SHISA9: variants seen among roughly 807,000 people sequenced by gnomAD.
SHISA9 encodes protein shisa-9.
SHISA9 carries 13 observed loss-of-function variants against 38.0 expected under a neutral mutation model. The observed-to-expected ratio is 0.34, with a 90% CI of 0.22 to 0.54. The LOEUF (loss-of-function observed/expected upper bound fraction) is 0.54. Among genes scored for constraint, SHISA9 ranks in the 20% least tolerant of loss-of-function variants. The pLI is 0.91. For synonymous variants in SHISA9, 275 were observed against 242.0 expected, an observed-to-expected ratio of 1.14 and a Z score of -1.27; for missense variants, 538 against 575.8, an observed-to-expected ratio of 0.93 and a Z score of 0.67.
At chr16:13,546,901 G>A in the SHISA9 span, among the ~76,000 whole-genome samples, 1 of 152,144 alleles carries the variant, frequency 6.6e-6, no homozygotes, top group African/African-American at 2.4e-5. Context: ...TATATCATCT[G>A]GCTCCTGTGT....
At chr16:13,004,962 A>AAAAGAAAGAAAAGAAAAG (rs1555453910) in intron 2 of SHISA9, among the ~76,000 whole-genome samples, 1 of 127,636 alleles carries the variant, frequency 7.8e-6, no homozygotes, top group Non-Finnish European at 1.6e-5. Context: ...AAAAAAAGAA[A>AAAAGAAAGAAAAGAAAAG]AAAAGAAAGA....
the SHISA9 span, among the ~76,000 whole-genome samples, chr16:13,339,551 T>C: frequency 6.6e-6 from 1 of 152,188 alleles, no homozygotes; most frequent in Non-Finnish European, 1.5e-5. Context: ...CTCGTGCTTC[T>C]TTTAATAAAA....
intron 2 of SHISA9, among the ~76,000 whole-genome samples, chr16:13,192,846 G>T (rs986602099): frequency 6.6e-6 from 1 of 151,820 alleles, no homozygotes. Context: ...TTGCACTTCA[G>T]TCTGGGCTAC....
chr16:13,485,108 G>A, the SHISA9 span, among the ~76,000 whole-genome samples: 2 of 151,892 alleles, frequency 1.3e-5, no homozygotes, highest in African/African-American at 4.8e-5. Flanking sequence ...ATGTGCCATG[G>A]TGGTTTGCTG....
chr16:13,120,771 C>T (rs879843777), intron 2 of SHISA9, among the ~76,000 whole-genome samples: 12 of 152,060 alleles, frequency 7.9e-5, no homozygotes, highest in Admixed American at 3.3e-4. Context: ...ATACTGTTAG[C>T]GAGGGAAGAG....
At chr16:13,039,696 A>C (rs1248621574) in intron 2 of SHISA9, among the ~76,000 whole-genome samples, 1 of 152,120 alleles carries the variant, frequency 6.6e-6, no homozygotes, top group Non-Finnish European at 1.5e-5. Context: ...CCAAATGAGG[A>C]GTAGTTGGTG....
At chr16:13,056,864 T>C (rs1307792984) in intron 2 of SHISA9, among the ~76,000 whole-genome samples, 2 of 152,168 alleles carry the variant, frequency 1.3e-5, no homozygotes, top group Non-Finnish European at 2.9e-5. Context: ...ATTCTCAGGA[T>C]TGGTTAACAC....
the SHISA9 span, among the ~76,000 whole-genome samples, chr16:13,294,984 CT>C: frequency 1.3e-5 from 2 of 152,002 alleles, no homozygotes; most frequent in Admixed American, 1.3e-4. Context: ...TTACAATATG[CT>C]TTTGTGGTAG....
intron 2 of SHISA9, among the ~76,000 whole-genome samples, chr16:12,926,573 A>G (rs2071395634): frequency 6.6e-6 from 1 of 152,214 alleles, no homozygotes; most frequent in Admixed American, 6.5e-5. Flanking sequence ...GAGAAATGGA[A>G]AAGTAATCAC....
chr16:13,409,537 A>G, the SHISA9 span, among the ~76,000 whole-genome samples: 1 of 152,152 alleles, frequency 6.6e-6, no homozygotes, highest in East Asian at 1.9e-4. Context: ...TGGTGACCCC[A>G]CGCCCCTGTC....
At chr16:13,528,084 G>A in the SHISA9 span, among the ~76,000 whole-genome samples, 1 of 152,076 alleles carries the variant, frequency 6.6e-6, no homozygotes, top group African/African-American at 2.4e-5. Flanking sequence ...CTAGTATACT[G>A]CCTGGCACTT....
At chr16:13,138,824 T>G (rs981211775) in intron 2 of SHISA9, among the ~76,000 whole-genome samples, 15 of 152,202 alleles carry the variant, frequency 9.9e-5, no homozygotes, top group African/African-American at 3.1e-4. Flanking sequence ...ATTTTTTTTT[T>G]GTAGGATTCA....
At chr16:13,513,726 T>G in the SHISA9 span, among the ~76,000 whole-genome samples, 3 of 152,132 alleles carry the variant, frequency 2.0e-5, no homozygotes, top group Admixed American at 2.0e-4. Flanking sequence ...CTCAGCAAAC[T>G]GACACAGGAA....
chr16:13,234,613 CT>C (rs1252573745), intron 4 of SHISA9, among the ~76,000 whole-genome samples: 2 of 152,192 alleles, frequency 1.3e-5, no homozygotes, highest in Admixed American at 1.3e-4. Context: ...TTGTTATCGG[CT>C]GTCTTGATTG....
chr16:13,348,882 C>T, the SHISA9 span, among the ~76,000 whole-genome samples: 2 of 152,012 alleles, frequency 1.3e-5, no homozygotes, highest in African/African-American at 2.4e-5. Flanking sequence ...GTGGCCTCAC[C>T]AGCTTGTTTT....
At chr16:13,066,016 C>T (rs1286492598) in intron 2 of SHISA9, among the ~76,000 whole-genome samples, 3 of 152,188 alleles carry the variant, frequency 2.0e-5, no homozygotes, top group African/African-American at 7.2e-5. Context: ...TTCAATTTAC[C>T]ATCCAAAGGG....
At chr16:13,226,060 A>T (rs1290453289) in intron 4 of SHISA9, among the ~76,000 whole-genome samples, 1 of 152,198 alleles carries the variant, frequency 6.6e-6, no homozygotes, top group Non-Finnish European at 1.5e-5. Flanking sequence ...AATGGGGCTT[A>T]CAAGACTGTT....
the SHISA9 span, among the ~76,000 whole-genome samples, chr16:13,455,023 T>TA: frequency 6.7e-6 from 1 of 149,744 alleles, no homozygotes. Flanking sequence ...CTTTTTTTTT[T>TA]ATCATATCCC....
the SHISA9 span, among the ~76,000 whole-genome samples, chr16:13,384,381 C>G: frequency 6.6e-6 from 1 of 152,206 alleles, no homozygotes; most frequent in Admixed American, 6.5e-5. Context: ...TAACTCTTCT[C>G]TCTGGCCAGG....
Sources: allele counts gnomAD v4.1 joint callset (sites outside exome capture counted in the v4.1 genomes callset), GRCh38; gene constraint gnomAD v4.1.1; transcripts MANE v1.5; gene names NCBI Gene and HGNC (gene_info 2026-07-23, HGNC 2026-07-21).